ISY1: variants seen among roughly 807,000 people sequenced by gnomAD.
ISY1 encodes pre-mRNA-splicing factor ISY1 homolog.
Under a neutral mutation model 54.4 loss-of-function variants are expected in ISY1, and 12 were observed. That is an observed-to-expected ratio of 0.22 (90% CI 0.14 to 0.36). The LOEUF is 0.36. Among genes scored for constraint, ISY1 ranks in the 10% least tolerant of loss-of-function variants. ISY1 has a pLI of 1.00. For synonymous variants in ISY1, 96 were observed against 117.9 expected (o/e 0.81, Z 1.20); for missense variants, 282 against 342.2 (o/e 0.82, Z 1.39).
Position 129,157,930 on chromosome 3 carries a change from G to A in ISY1, c.78+578C>T, listed in dbSNP as rs551720696. On this transcript the variant is annotated intron_variant, in intron 3 of 10. Transcript: ENST00000393295. ...ACCTGGAGTGCAGCAGCGCGCTCTCGGTGCACTGCAACCTCCGTCTCCAGG... is the reference window on the plus strand; with the variant it reads ...ACCTGGAGTGCAGCAGCGCGCTCTCAGTGCACTGCAACCTCCGTCTCCAGG... 2.2e-3 allele frequency among the ~76,000 whole-genome samples: 330 copies of A among 152,132 alleles called. 2 individuals are homozygous for A. Among genetic ancestry groups the A allele is most frequent in the Non-Finnish European group, 2.7e-3 (186 of 68,000 alleles).
intron 9 of ISY1, among the ~76,000 whole-genome samples, chr3:129,131,683 C>G (rs1936241460): frequency 6.6e-6 from 1 of 152,194 alleles, no homozygotes; most frequent in African/African-American, 2.4e-5. Context: ...GCAAGGGCAT[C>G]ATGTTAAGTG....
intron 5 of ISY1, among the ~76,000 whole-genome samples, chr3:129,149,034 C>T (rs768851890): frequency 3.9e-5 from 6 of 152,130 alleles, no homozygotes; most frequent in Non-Finnish European, 7.3e-5. Flanking sequence ...GACATAGTGG[C>T]TTATGCCTGT....
intron 3 of ISY1, among the ~76,000 whole-genome samples, chr3:129,158,133 A>T (rs1487668994): frequency 6.7e-6 from 1 of 150,240 alleles, no homozygotes; most frequent in Non-Finnish European, 1.5e-5. Flanking sequence ...TGCTGGGATT[A>T]CAGGCGTGAG....
intron 6 of ISY1, among the ~76,000 whole-genome samples, chr3:129,143,185 C>T (rs546474493): frequency 8.4e-4 from 128 of 152,210 alleles, no homozygotes; most frequent in Non-Finnish European, 1.6e-3. Flanking sequence ...TGCACTCCAG[C>T]CTGGGGTGAC....
At chr3:129,160,918 G>GCCCCACCCCC in intron 1 of ISY1, 55 bp downstream of exon 1, 2 of 666,128 alleles carry the variant, frequency 3.0e-6, no homozygotes, top group South Asian at 3.1e-5. Flanking sequence ...TGGACTGGGC[G>GCCCCACCCCC]CCCCCCCGCC....
chr3:129,135,144 C>G (rs55871006), intron 7 of ISY1, among the ~76,000 whole-genome samples, 190 bp from the exon 8 acceptor site: 13,322 of 152,174 alleles, frequency 0.088, 749 homozygotes, highest in Non-Finnish European at 0.12. Flanking sequence ...GTCAGGAGTT[C>G]GAGACCAGCC....
At chr3:129,138,679 G>A (rs1936508667) in intron 7 of ISY1, among the ~76,000 whole-genome samples, 1 of 151,554 alleles carries the variant, frequency 6.6e-6, no homozygotes, top group Admixed American at 6.6e-5. Context: ...GCTGGGCATG[G>A]TGGCATGCGC....
intron 6 of ISY1, 123 bp from the exon 7 acceptor site, chr3:129,140,608 C>T: frequency 2.8e-6 from 3 of 1,077,676 alleles, no homozygotes; most frequent in Non-Finnish European, 3.9e-6. Context: ...TGGAGTCTCG[C>T]TCTGTTGCCC....
chr3:129,141,278 G>A (rs1161213921), intron 6 of ISY1, among the ~76,000 whole-genome samples: 1 of 151,388 alleles, frequency 6.6e-6, no homozygotes, highest in Non-Finnish European at 1.5e-5. Context: ...TGTAATCCCA[G>A]CACTCTGGGA....
At position 129,134,210 on chromosome 3, in the gene ISY1, G is replaced by C. The variant is rs1249718621; in HGVS notation, c.542-15C>G. 6.2e-7 allele frequency: 1 copy of C among 1,614,042 alleles called. No homozygotes were observed. Among genetic ancestry groups the C allele is most frequent in the Non-Finnish European group, 8.5e-7 (1 of 1,180,012 alleles). On this transcript the variant is annotated splice_polypyrimidine_tract_variant and intron_variant, in intron 8 of 10. Coordinates refer to ENST00000393295, the MANE Select transcript of ISY1 (RefSeq NM_020701.4). Reference sequence around the variant, plus strand: ...CTCGGCTCTGACTGAACACAAGAGAGGGTAGGTGCTATTTATTTGTCTCTA... The same window carrying C: ...CTCGGCTCTGACTGAACACAAGAGACGGTAGGTGCTATTTATTTGTCTCTA...
At chr3:129,146,231 C>T (rs376973694) in intron 5 of ISY1, among the ~76,000 whole-genome samples, 4 of 152,144 alleles carry the variant, frequency 2.6e-5, no homozygotes, top group African/African-American at 9.7e-5. Flanking sequence ...AGCAAAGACA[C>T]AATGAGGCTG....
chr3:129,154,705 T>TC (rs1937082350), intron 5 of ISY1, among the ~76,000 whole-genome samples: 1 of 150,592 alleles, frequency 6.6e-6, no homozygotes, highest in Non-Finnish European at 1.5e-5. Context: ...TTTTTTTTTT[T>TC]TGAGACAGAG....
At chr3:129,143,049 C>T (rs1362371870) in intron 6 of ISY1, among the ~76,000 whole-genome samples, 6 of 148,198 alleles carry the variant, frequency 4.0e-5, no homozygotes, top group Admixed American at 2.0e-4. Flanking sequence ...AGCGAGACTC[C>T]GTCGCAAAAA....
chr3:129,153,178 T>A (rs927027230), intron 5 of ISY1, among the ~76,000 whole-genome samples: 1 of 151,922 alleles, frequency 6.6e-6, no homozygotes, highest in Admixed American at 6.6e-5. Flanking sequence ...CCTGGCTAAT[T>A]TTTGTATTTT....
rs781265762 is a variant in ISY1 at position 129,130,132 on chromosome 3, G to A, written c.807C>T (p.Ser269=). The A allele has an allele frequency of 1.8e-5, 29 of 1,612,242 alleles. No individual in the cohort carries two copies. The highest frequency in any genetic ancestry group is 8.0e-5 in the African/African-American group (6 of 74,778). ...CTTCACTTTGGGCCTGCAGGGTCTC[G>A]CTTGCATACTTCTGGAGGAGTTCCA... The part of the protein sequence containing the change: ...KKMELLQKYA[S]ETLQAQSEEA... Residue 269 remains serine, a synonymous_variant, in exon 11 of 11, where the codon AGC becomes AGT. Coordinates refer to ENST00000393295, the MANE Select transcript of ISY1 (RefSeq NM_020701.4).
intron 6 of ISY1, chr3:129,143,949 T>C (rs1019733191): frequency 1.2e-5 from 2 of 168,820 alleles, no homozygotes; most frequent in African/African-American, 4.8e-5. Flanking sequence ...CTTTTATATG[T>C]AGAAAATAAA....
chr3:129,156,013 G>A (rs916413940), intron 5 of ISY1, among the ~76,000 whole-genome samples: 13 of 152,110 alleles, frequency 8.5e-5, no homozygotes, highest in Admixed American at 2.6e-4. Context: ...GAGCTACTGC[G>A]CCCGGCCTCA....
At chr3:129,135,292 C>T (rs1292332820) in intron 7 of ISY1, among the ~76,000 whole-genome samples, 2 of 151,564 alleles carry the variant, frequency 1.3e-5, no homozygotes, top group South Asian at 2.1e-4. Context: ...TGCAGTGAGC[C>T]GAGATCACGC....
chr3:129,156,672 T>C lies in ISY1; in HGVS notation c.148A>G (p.Ile50Val). 1 of 1,607,034 alleles carries C rather than the reference T, an allele frequency of 6.2e-7. No homozygotes were observed. Among genetic ancestry groups the C allele is most frequent in the Non-Finnish European group, 8.5e-7 (1 of 1,177,418 alleles). ...PKAEKWRRQI[I>V]GEISKKVAQI... ...GCCACTTTTTTAGAGATCTCTCCAA[T>C]GATCTATTAAAAAAAAGTAATACAT... Residue 50 changes from isoleucine (I) to valine (V), a missense_variant, in exon 5 of 11, where the codon ATT (isoleucine) becomes GTT (valine). Transcript: ENST00000393295.
Sources: gnomAD v4.1 joint callset for allele counts (sites outside exome capture counted in the v4.1 genomes callset) on GRCh38, gnomAD v4.1.1 for gene constraint, MANE v1.5 for transcripts, NCBI Gene and HGNC (gene_info 2026-07-23, HGNC 2026-07-21) for gene names.